The following CDH9 variants were observed in gnomAD, a reference collection of about 807,000 sequenced individuals.
CDH9 encodes the protein cadherin-9.
In CDH9, 28 loss-of-function variants were observed where a neutral mutation model predicts 70.9. That is an observed-to-expected ratio of 0.40 (90% CI 0.29 to 0.54). The LOEUF (loss-of-function observed/expected upper bound fraction) is 0.54, where lower values mean the gene tolerates loss of function less well. Ranked by LOEUF, CDH9 falls within the 20% of genes least tolerant of loss-of-function variation. The pLI, the probability that CDH9 is intolerant of heterozygous loss-of-function variation, is 0.59. For synonymous variants in CDH9, 409 were observed against 343.1 expected (o/e 1.19, Z -2.12); for missense variants, 874 against 984.4 (o/e 0.89, Z 1.50).
chr5:27,016,850 T>C (rs1743054840), intron 1 of CDH9, among the ~76,000 whole-genome samples: 2 of 151,882 alleles, frequency 1.3e-5, no homozygotes, highest in Non-Finnish European at 1.5e-5. Flanking sequence ...AAAGGGAGCA[T>C]TTTTATTCAT....
intron 7 of CDH9, among the ~76,000 whole-genome samples, chr5:26,897,449 C>G (rs1740773354): frequency 6.6e-6 from 1 of 152,108 alleles, no homozygotes; most frequent in Non-Finnish European, 1.5e-5. Flanking sequence ...AATCCAGCAG[C>G]AAATCAAAAA....
At chr5:26,944,766 T>TTG (rs138235723) in intron 2 of CDH9, among the ~76,000 whole-genome samples, 1 of 152,138 alleles carries the variant, frequency 6.6e-6, no homozygotes, top group Admixed American at 6.5e-5. Flanking sequence ...AAATCCTGAT[T>TTG]TCTGTTTTTT....
chr5:26,915,523 T>C (rs1741132871), intron 3 of CDH9, 107 bp downstream of exon 3: 2 of 674,452 alleles, frequency 3.0e-6, no homozygotes, highest in African/African-American at 1.8e-5. Context: ...TTAACAGTTA[T>C]AACTCTTATT....
At chr5:26,935,007 A>G (rs1262981485) in intron 2 of CDH9, among the ~76,000 whole-genome samples, 1 of 152,084 alleles carries the variant, frequency 6.6e-6, no homozygotes, top group East Asian at 1.9e-4. Context: ...TATCAGATAT[A>G]ATCCAATAGT....
At chr5:26,936,170 A>G (rs1418154748) in intron 2 of CDH9, among the ~76,000 whole-genome samples, 1 of 152,070 alleles carries the variant, frequency 6.6e-6, no homozygotes, top group East Asian at 1.9e-4. Context: ...TGATGGGTAC[A>G]CCAAAATCTC....
Position 26,988,194 on chromosome 5 carries a change from A to G in CDH9, c.140T>C (p.Met47Thr). 6.2e-7 allele frequency: 1 copy of G among 1,613,528 alleles called. No individual in the cohort carries two copies. The highest frequency in any genetic ancestry group is 8.5e-7 in the Non-Finnish European group (1 of 1,179,642). Residue 47 changes from methionine (M) to threonine (T), a missense_variant, in exon 2 of 12, where the codon ATG (methionine) becomes ACG (threonine). By Grantham distance (81) the Met-to-Thr change is moderately conservative. Transcript: ENST00000231021. Reference protein sequence around the residue: ...IAGLTKDDGKMLRRTKRGWMW... With the variant: ...IAGLTKDDGKTLRRTKRGWMW... ...CCAGCCACGCTTGGTGCGACGTAGC[A>G]TTTTACCGTCATCTTTTGTCAGACC...
chr5:26,926,979 G>C (rs899716193), intron 2 of CDH9, among the ~76,000 whole-genome samples: 1 of 144,112 alleles, frequency 6.9e-6, no homozygotes, highest in Non-Finnish European at 1.5e-5. Context: ...CAAAATCCTT[G>C]ATAAATATTG....
intron 1 of CDH9, among the ~76,000 whole-genome samples, chr5:27,009,431 G>A (rs2112113689): frequency 6.6e-6 from 1 of 152,278 alleles, no homozygotes; most frequent in Admixed American, 6.5e-5. Context: ...ACACATGGCA[G>A]CCAATGGAAT....
intron 2 of CDH9, among the ~76,000 whole-genome samples, chr5:26,928,617 A>C (rs1741386755): frequency 6.6e-6 from 1 of 152,074 alleles, no homozygotes; most frequent in South Asian, 2.1e-4. Context: ...TAGTAACCAG[A>C]ATAGCTTCGT....
chr5:26,967,420 C>T (rs149953366), intron 2 of CDH9, among the ~76,000 whole-genome samples: 1 of 151,980 alleles, frequency 6.6e-6, no homozygotes. Context: ...CTGGATTACT[C>T]CTCTGGAAAT....
chr5:27,019,473 C>T (rs1281069699), intron 1 of CDH9, among the ~76,000 whole-genome samples: 1 of 151,888 alleles, frequency 6.6e-6, no homozygotes, highest in Non-Finnish European at 1.5e-5. Flanking sequence ...GTAATTGTTT[C>T]ACTCTAGTCT....
chr5:26,938,873 A>T (rs1741608739), intron 2 of CDH9, among the ~76,000 whole-genome samples: 1 of 152,152 alleles, frequency 6.6e-6, no homozygotes, highest in African/African-American at 2.4e-5. Context: ...TATGATTCCA[A>T]TTATATAAAG....
At chr5:26,898,842 G>A (rs558733387) in intron 7 of CDH9, among the ~76,000 whole-genome samples, 2 of 152,234 alleles carry the variant, frequency 1.3e-5, no homozygotes, top group African/African-American at 4.8e-5. Flanking sequence ...AAACTAAAGG[G>A]CTTCTGCACA....
chr5:27,035,569 T>C (rs939556180), intron 1 of CDH9, among the ~76,000 whole-genome samples: 3 of 151,648 alleles, frequency 2.0e-5, no homozygotes, highest in African/African-American at 7.3e-5. Context: ...AATTTAACTT[T>C]AAGCAGACGA....
At chr5:26,964,301 C>T (rs534618540) in intron 2 of CDH9, among the ~76,000 whole-genome samples, 38 of 152,110 alleles carry the variant, frequency 2.5e-4, no homozygotes, top group African/African-American at 8.7e-4. Context: ...TCTAAGACCA[C>T]CAAAAAGAAA....
chr5:27,032,155 G>C (rs908863407), intron 1 of CDH9, among the ~76,000 whole-genome samples: 1 of 151,498 alleles, frequency 6.6e-6, no homozygotes, highest in East Asian at 1.9e-4. Flanking sequence ...TTAATATGCT[G>C]AAATAGCCCT....
chr5:26,981,309 G>A lies in CDH9; in HGVS notation c.228+6797C>T, dbSNP rs567894974. ...AATGGTGCAGAATTTACATTTAACCGATGCACATCATTCTGTTTACTTAAA... is the reference window on the plus strand; with the variant it reads ...AATGGTGCAGAATTTACATTTAACCAATGCACATCATTCTGTTTACTTAAA... On this transcript the variant is annotated intron_variant, in intron 2 of 11. Coordinates refer to ENST00000231021, the MANE Select transcript of CDH9 (RefSeq NM_016279.4). 4.6e-5 allele frequency among the ~76,000 whole-genome samples: 7 copies of A among 152,106 alleles called. 1 individual carries two copies. The highest frequency in any genetic ancestry group is 1.9e-4 in the East Asian group (1 of 5,178).
At chr5:26,995,678 C>T (rs1202028911) in intron 1 of CDH9, among the ~76,000 whole-genome samples, 2 of 152,032 alleles carry the variant, frequency 1.3e-5, no homozygotes, top group African/African-American at 4.8e-5. Flanking sequence ...AGATAGCAAG[C>T]TTTTTATCCC....
intron 1 of CDH9, among the ~76,000 whole-genome samples, chr5:27,011,056 A>G (rs543857046): frequency 3.1e-4 from 47 of 152,032 alleles, no homozygotes; most frequent in Non-Finnish European, 5.3e-4. Context: ...TTGCATTCAC[A>G]TTTCAATGGG....
Sources: gnomAD v4.1 joint callset for allele counts (sites outside exome capture counted in the v4.1 genomes callset) on GRCh38, gnomAD v4.1.1 for gene constraint, MANE v1.5 for transcripts, NCBI Gene and HGNC (gene_info 2026-07-23, HGNC 2026-07-21) for gene names.